CMC1: variants seen among roughly 807,000 people sequenced by gnomAD.
CMC1 encodes C-X9-C motif containing 1, also known as COX assembly mitochondrial protein homolog.
CMC1 carries 14 observed loss-of-function variants against 14.1 expected under a neutral mutation model. The observed-to-expected ratio is 0.99, with a 90% CI of 0.66 to 1.55. The LOEUF (loss-of-function observed/expected upper bound fraction) is 1.55. Ranked by LOEUF, CMC1 falls within the 40% of genes most tolerant of loss-of-function variation. The pLI is 0.00. For synonymous variants in CMC1, 50 were observed against 38.4 expected, an observed-to-expected ratio of 1.30 and a Z score of -1.12; for missense variants, 127 against 123.8, an observed-to-expected ratio of 1.03 and a Z score of -0.12.
rs1699207490 is a variant in CMC1 at position 28,252,988 on chromosome 3, G to A, written c.20-10303G>A. Among the ~76,000 whole-genome samples the A allele has an allele frequency of 4.6e-5, 7 of 151,040 alleles. No homozygotes were observed. The Admixed American group carries it at 4.6e-4, about 10-fold the overall frequency. Reference sequence around the variant, plus strand: ...TTCCCTTTTTGTTTTTGTTTTGTCAGTTCTAGTATGGCTTGAAGGAAAGAA... The same window carrying A: ...TTCCCTTTTTGTTTTTGTTTTGTCAATTCTAGTATGGCTTGAAGGAAAGAA... On this transcript the variant is annotated intron_variant, in intron 1 of 3. Coordinates refer to ENST00000466830, the MANE Select transcript of CMC1 (RefSeq NM_182523.2).
chr3:28,276,342 A>G (rs1288981142), intron 2 of CMC1, among the ~76,000 whole-genome samples: 1 of 152,214 alleles, frequency 6.6e-6, no homozygotes, highest in African/African-American at 2.4e-5. Flanking sequence ...TATGTAACTC[A>G]TCTTTCAAGG....
intron 1 of CMC1, among the ~76,000 whole-genome samples, chr3:28,255,722 TACAC>T (rs372487968): frequency 1.6e-3 from 233 of 144,316 alleles, no homozygotes; most frequent in East Asian, 3.5e-3. Context: ...TACATGTACA[TACAC>T]ACACACACAC....
chr3:28,314,927 C>T (rs1229238430), intron 2 of CMC1: 2 of 152,130 alleles, frequency 1.3e-5, no homozygotes, highest in Admixed American at 6.6e-5. Flanking sequence ...AAGGATAACA[C>T]ATAGCTCAAG....
intron 1 of CMC1, among the ~76,000 whole-genome samples, chr3:28,262,945 T>A (rs1699808471): frequency 1.3e-5 from 2 of 152,280 alleles, no homozygotes; most frequent in South Asian, 2.1e-4. Flanking sequence ...TGGATCTCAG[T>A]ATCGGTGAAA....
At chr3:28,243,286 C>T (rs1219609163) in intron 1 of CMC1, among the ~76,000 whole-genome samples, 1 of 152,070 alleles carries the variant, frequency 6.6e-6, no homozygotes, top group African/African-American at 2.4e-5. Context: ...GAACTCCTGA[C>T]CTCAAGTGAT....
intron 1 of CMC1, among the ~76,000 whole-genome samples, chr3:28,258,907 G>A (rs1388049061): frequency 6.6e-6 from 1 of 152,110 alleles, no homozygotes; most frequent in African/African-American, 2.4e-5. Flanking sequence ...ACAGGCGTGA[G>A]CCACTGTGCC....
At position 28,264,615 on chromosome 3, in the gene CMC1, C is replaced by G. The variant is rs79296343; in HGVS notation, c.109+1235C>G. ...TGAGACGTCAACCTATTGACACCTG[C>G]AGGTAGTGCATGTATGGCATTGGTA... On this transcript the variant is annotated intron_variant, in intron 2 of 3. Coordinates refer to ENST00000466830, the MANE Select transcript of CMC1 (RefSeq NM_182523.2). Among the ~76,000 whole-genome samples, 14 of 152,272 alleles carry G rather than the reference C, an allele frequency of 9.2e-5. No individual in the cohort carries two copies. In the East Asian group the frequency reaches 2.3e-3, roughly 25 times the overall value.
At chr3:28,242,500 C>T (rs1343729521) in intron 1 of CMC1, among the ~76,000 whole-genome samples, 8 of 151,992 alleles carry the variant, frequency 5.3e-5, no homozygotes, top group Non-Finnish European at 8.8e-5. Flanking sequence ...TACAAAAAGT[C>T]AAAACATTGA....
At chr3:28,316,480 T>C (rs1262043288) in intron 3 of CMC1, 57 bp downstream of exon 3, 33 of 951,230 alleles carry the variant, frequency 3.5e-5, no homozygotes, top group Non-Finnish European at 5.1e-5. Flanking sequence ...GATAAGAGTA[T>C]GTTACTTAAC....
chr3:28,253,790 TA>T, intron 1 of CMC1: 3 of 1,205,164 alleles, frequency 2.5e-6, no homozygotes, highest in Non-Finnish European at 3.3e-6. Context: ...GTAAATTTTT[TA>T]AAAAATGGCA....
intron 2 of CMC1, among the ~76,000 whole-genome samples, chr3:28,303,490 GAA>G (rs1702159173): frequency 6.6e-6 from 1 of 151,966 alleles, no homozygotes; most frequent in Admixed American, 6.6e-5. Flanking sequence ...ATGAAACCCC[GAA>G]GTTTTGTTAC....
intron 2 of CMC1, among the ~76,000 whole-genome samples, chr3:28,289,951 A>G (rs1410007248): frequency 1.3e-5 from 2 of 152,234 alleles, no homozygotes; most frequent in East Asian, 1.9e-4. Flanking sequence ...AAAACAAAAG[A>G]TTTGCTAAAG....
At chr3:28,257,842 A>T (rs1265147188) in intron 1 of CMC1, among the ~76,000 whole-genome samples, 1 of 152,088 alleles carries the variant, frequency 6.6e-6, no homozygotes, top group Non-Finnish European at 1.5e-5. Flanking sequence ...GCATAAGTGA[A>T]TACCTAGGAG....
chr3:28,269,566 CT>C (rs774256943), intron 2 of CMC1, among the ~76,000 whole-genome samples: 223 of 143,856 alleles, frequency 1.6e-3, no homozygotes, highest in Middle Eastern at 3.7e-3. Flanking sequence ...ACCTAGGTTT[CT>C]TTTTTTTTTT....
At chr3:28,258,845 G>A (rs923157591) in intron 1 of CMC1, among the ~76,000 whole-genome samples, 21 of 151,774 alleles carry the variant, frequency 1.4e-4, no homozygotes, top group Non-Finnish European at 2.2e-4. Flanking sequence ...GGATGGTCTC[G>A]ATTTCCTGAC....
intron 2 of CMC1, among the ~76,000 whole-genome samples, chr3:28,275,912 G>A (rs1700567571): frequency 6.6e-6 from 1 of 152,162 alleles, no homozygotes; most frequent in African/African-American, 2.4e-5. Context: ...CACAGCCACT[G>A]GGCTCTGCTG....
At chr3:28,250,024 C>G (rs556631915) in intron 1 of CMC1, among the ~76,000 whole-genome samples, 64 of 152,228 alleles carry the variant, frequency 4.2e-4, no homozygotes, top group Non-Finnish European at 8.1e-4. Flanking sequence ...TATGAGGCCA[C>G]TAATCCTATC....
chr3:28,245,357 G>C (rs1698768350), intron 1 of CMC1, among the ~76,000 whole-genome samples: 1 of 152,156 alleles, frequency 6.6e-6, no homozygotes, highest in South Asian at 2.1e-4. Context: ...TTTCAGACAT[G>C]ATTATATTCT....
rs759804497 is a variant in CMC1 at position 28,324,101 on chromosome 3, TG to T, written c.*4475del. The T allele has an allele frequency of 6.2e-7, 1 of 1,610,220 alleles. No homozygotes were observed. The highest frequency in any genetic ancestry group is 8.5e-7 in the Non-Finnish European group (1 of 1,177,332). ...TCCAAGTAATGCAGTGGTGGAAGGT[TG>T]GGTAAAGGCAAAGTTTTAGTTTTAG... is the stretch of plus-strand genomic sequence containing the variant. On this transcript the variant is annotated 3_prime_UTR_variant, in exon 4 of 4. Coordinates refer to ENST00000466830, the MANE Select transcript of CMC1 (RefSeq NM_182523.2).
Sources: allele counts gnomAD v4.1 joint callset (sites outside exome capture counted in the v4.1 genomes callset), GRCh38; gene constraint gnomAD v4.1.1; transcripts MANE v1.5; gene names NCBI Gene and HGNC (gene_info 2026-07-23, HGNC 2026-07-21).